ARMC6: variants seen among roughly 807,000 people sequenced by gnomAD.
The protein encoded by ARMC6 is armadillo repeat containing 6.
ARMC6 carries 43 observed loss-of-function variants against 49.2 expected under a neutral mutation model. The observed-to-expected ratio is 0.87, with a 90% CI of 0.69 to 1.13. The LOEUF is 1.13. Among genes scored for constraint, ARMC6 ranks in the 50% most tolerant of loss-of-function variants. The probability of loss-of-function intolerance (pLI) is 0.00; values close to 1 mark genes in which losing one functional copy is unlikely to be tolerated. For synonymous variants in ARMC6, 262 were observed against 289.6 expected (o/e 0.90, Z 0.97); for missense variants, 627 against 682.0 (o/e 0.92, Z 0.90).
rs574427800 is a variant in ARMC6, at chr19:19,051,201, G to A, written c.280-421G>A. Among the ~76,000 whole-genome samples, 9 of 152,286 alleles carry A rather than the reference G, an allele frequency of 5.9e-5. No individual in the cohort carries two copies. The Middle Eastern group carries it at 0.017, about 288-fold the overall frequency. On this transcript the variant is annotated intron_variant, in intron 4 of 8. Transcript: ENST00000535612. The stretch of plus-strand genomic sequence containing the variant: ...GTGTGACAAACAACCCAAACAACAG[G>A]CATCTTATTGTTTCTTGTGATTCTG...
rs769059471 is a variant in ARMC6, at chr19:19,051,734, C to A, written c.392C>A (p.Ala131Glu). 3 of 1,614,016 alleles carry A rather than the reference C, an allele frequency of 1.9e-6. No individual in the cohort carries two copies. The highest frequency in any genetic ancestry group is 1.7e-5 in the Admixed American group (1 of 60,030). The stretch of plus-strand genomic sequence containing the variant: ...CAGGACAAGGCCTGCCGCTTCCTCG[C>A]GGCCCAGAAGGGGGCCTACCCCATC... ...CKQDKACRFLAAQKGAYPIIF... is the reference protein window; with the variant it reads ...CKQDKACRFLEAQKGAYPIIF... The change falls in exon 5 of 9, where the codon GCG becomes GAG. Residue 131 changes from alanine (A) to glutamate (E), a missense_variant. By Grantham distance (107) the Ala-to-Glu change is moderately radical (BLOSUM62 -1). Coordinates refer to ENST00000535612, the MANE Select transcript of ARMC6 (RefSeq NM_001199196.2).
chr19:19,035,360 A>G (rs1394090358), intron 2 of ARMC6, among the ~76,000 whole-genome samples: 1 of 152,218 alleles, frequency 6.6e-6, no homozygotes, highest in Non-Finnish European at 1.5e-5. Flanking sequence ...ACTGGCTGCC[A>G]GTTAGGGGCC....
At chr19:19,045,628 C>T (rs957775052) in intron 4 of ARMC6, among the ~76,000 whole-genome samples, 15 of 150,228 alleles carry the variant, frequency 1.0e-4, no homozygotes, top group Non-Finnish European at 1.5e-5. Flanking sequence ...GCTGGGATTA[C>T]AGGTGCACAC....
In ARMC6 at chr19:19,042,725, T is replaced by A; in HGVS notation, c.44T>A (p.Ile15Asn). 1 of 1,613,298 alleles carries A rather than the reference T, an allele frequency of 6.2e-7. No homozygotes were observed. The highest frequency in any genetic ancestry group is 8.5e-7 in the Non-Finnish European group (1 of 1,180,016). ...CCSRYSSGAS[I>N]GCTPTSTQAK... ...TAACCTCTCAGCTCAGGAGCATCTATCGGCTGCACGCCAACATCAACACAG... is the reference window on the plus strand; with the variant it reads ...TAACCTCTCAGCTCAGGAGCATCTAACGGCTGCACGCCAACATCAACACAG... The change falls in exon 3 of 9, where the codon ATC (isoleucine) becomes AAC (asparagine). Residue 15 changes from isoleucine to asparagine, a missense_variant. Transcript: ENST00000535612.
In ARMC6 at chr19:19,033,662, G is replaced by A. The variant is rs1441979856; in HGVS notation, c.-348G>A. 2 of 730,392 alleles carry A rather than the reference G, an allele frequency of 2.7e-6. No individual in the cohort carries two copies. The highest frequency in any genetic ancestry group is 1.9e-5 in the African/African-American group (1 of 53,540). The allele number at this position is 730,392 out of a possible 1,614,324, so 45.2% of individuals were successfully genotyped here. A position where few individuals can be genotyped will look rare whatever the true frequency, so the allele number is the denominator to read the frequency against. On this transcript the variant is annotated 5_prime_UTR_variant, in exon 1 of 9. Coordinates refer to ENST00000535612, the MANE Select transcript of ARMC6 (RefSeq NM_001199196.2). ...CTTCTTCTGGGCGGACGCTCTGGAG[G>A]CAAAACATTTCCCTGCTGGGGGCGG... is the stretch of plus-strand genomic sequence containing the variant.
In ARMC6 at chr19:19,054,167, C is replaced by G. The variant is rs1450399692; in HGVS notation, c.869C>G (p.Pro290Arg). ...CTCCCTGCAGCGTTCCTGGATAACC[C>G]TGGCATCCTGAGCGAGCTCTGTGGA... is the stretch of plus-strand genomic sequence containing the variant. ...IEATKAFLDNPGILSELCGTL... is the reference protein window; with the variant it reads ...IEATKAFLDNRGILSELCGTL... Residue 290 changes from proline to arginine, a missense_variant, in exon 6 of 9, where the codon CCT becomes CGT. Physicochemically the swap from Pro to Arg is moderately radical, Grantham distance 103. Coordinates refer to ENST00000535612, the MANE Select transcript of ARMC6 (RefSeq NM_001199196.2). The G allele has an allele frequency of 1.3e-6, 2 of 1,591,738 alleles. No individual in the cohort carries two copies. The highest frequency in any genetic ancestry group is 2.3e-5 in the East Asian group (1 of 43,408).
chr19:19,052,444 G>T (rs2059507020), intron 5 of ARMC6, among the ~76,000 whole-genome samples: 1 of 152,210 alleles, frequency 6.6e-6, no homozygotes, highest in African/African-American at 2.4e-5. Flanking sequence ...GGAGCTGTCT[G>T]GGGAAGGGGC....
intron 3 of ARMC6, among the ~76,000 whole-genome samples, chr19:19,043,229 C>T (rs1249963632): frequency 6.6e-6 from 1 of 152,238 alleles, no homozygotes; most frequent in Non-Finnish European, 1.5e-5. Flanking sequence ...CCTGTGGAAA[C>T]AGGTGGCATG....
Position 19,055,691 on chromosome 19 carries a change from G to T in ARMC6, c.1156-100G>T. ...CAGGAGTTGCCAGAGACCCACGGAG[G>T]GGAGGCCGCAGGGTGTTCACCAGGG... On this transcript the variant is annotated intron_variant, in intron 7 of 8. Transcript: ENST00000535612. The surrounding 1 kb of genome is among the most constrained non-coding windows in gnomAD (Gnocchi z 5.7). 6.8e-7 allele frequency: 1 copy of T among 1,467,398 alleles called. No homozygotes were observed. The highest frequency in any genetic ancestry group is 1.3e-5 in the South Asian group (1 of 74,178). 90.9% of individuals were successfully genotyped at this position (1,467,398 alleles called of 1,614,324 possible).
chr19:19,055,084 G>A lies in ARMC6; in HGVS notation c.1024-181G>A, dbSNP rs943999354. Among the ~76,000 whole-genome samples the A allele has an allele frequency of 6.6e-6, 1 of 152,176 alleles. No homozygotes were observed. The highest frequency in any genetic ancestry group is 1.5e-5 in the Non-Finnish European group (1 of 68,032). On this transcript the variant is annotated intron_variant, in intron 6 of 8. Transcript: ENST00000535612. This position sits in a 1 kb window ranked among gnomAD's most constrained non-coding sequence, Gnocchi z 5.7. The stretch of plus-strand genomic sequence containing the variant: ...GGGTAGGGGATCAAGTCACCTGGAT[G>A]GTACCGTTTGGACACAGGCAGCCTG...
At chr19:19,042,951 G>T in intron 3 of ARMC6, 74 bp downstream of exon 3, 1 of 1,557,916 alleles carries the variant, frequency 6.4e-7, no homozygotes. Context: ...CTGCTGCCCC[G>T]CCCCACTGGG....
intron 4 of ARMC6, among the ~76,000 whole-genome samples, chr19:19,051,373 CTCTGTGTGTG>C (rs1275764843): frequency 1.1e-3 from 131 of 115,162 alleles, no homozygotes; most frequent in Middle Eastern, 4.3e-3. Flanking sequence ...CTCTCTCTCT[CTCTGTGTGTG>C]TGTGTGTGTG....
In ARMC6 at chr19:19,057,706, TC is replaced by T. The variant is rs761316511; in HGVS notation, c.*83del. The T allele has an allele frequency of 2.1e-6, 3 of 1,406,088 alleles. No homozygotes were observed. The highest frequency in any genetic ancestry group is 3.0e-6 in the Non-Finnish European group (3 of 1,005,508). 87.1% of individuals were successfully genotyped at this position (1,406,088 alleles called of 1,614,324 possible). On this transcript the variant is annotated 3_prime_UTR_variant, in exon 9 of 9. Transcript: ENST00000535612. Reference sequence around the variant, plus strand: ...GGGGGTAGATCCATGTCCTCCACTGTCCCCCATTAGTTCTGTCCCCTTCACA... The same window carrying T: ...GGGGGTAGATCCATGTCCTCCACTGTCCCCATTAGTTCTGTCCCCTTCACA...
rs928436757 is a variant in ARMC6, at chr19:19,058,006, G to C, written c.*378G>C. 3 of 345,062 alleles carry C rather than the reference G, an allele frequency of 8.7e-6. No homozygotes were observed. Among genetic ancestry groups the C allele is most frequent in the Non-Finnish European group, 1.7e-5 (3 of 179,028 alleles). 21.4% of individuals were successfully genotyped at this position (345,062 alleles called of 1,614,324 possible). A position where few individuals can be genotyped will look rare whatever the true frequency, so the allele number is the denominator to read the frequency against. ...GGGCAGGCGATTCCAGTGGGGTTGGGCCCCCTGGCGCCTGCTGCTTACTGC... is the reference window on the plus strand; with the variant it reads ...GGGCAGGCGATTCCAGTGGGGTTGGCCCCCCTGGCGCCTGCTGCTTACTGC... On this transcript the variant is annotated 3_prime_UTR_variant, in exon 9 of 9. Coordinates refer to ENST00000535612, the MANE Select transcript of ARMC6 (RefSeq NM_001199196.2).
At chr19:19,040,314 T>A (rs1022953394) in intron 2 of ARMC6, among the ~76,000 whole-genome samples, 2 of 152,206 alleles carry the variant, frequency 1.3e-5, no homozygotes, top group African/African-American at 4.8e-5. Flanking sequence ...GGGATCATTA[T>A]CTGTTTCTCT....
chr19:19,035,023 G>C (rs1241762818), intron 2 of ARMC6, among the ~76,000 whole-genome samples: 2 of 152,080 alleles, frequency 1.3e-5, no homozygotes, highest in African/African-American at 4.8e-5. Context: ...CACCACGCCC[G>C]GCTAGTTTTT....
At chr19:19,036,928 G>A (rs1389699084) in intron 2 of ARMC6, among the ~76,000 whole-genome samples, 1 of 152,224 alleles carries the variant, frequency 6.6e-6, no homozygotes, top group East Asian at 1.9e-4. Flanking sequence ...GCTCATGCCT[G>A]TAATCCCAGC....
chr19:19,044,992 G>A (rs1482332755), intron 4 of ARMC6, among the ~76,000 whole-genome samples: 1 of 152,082 alleles, frequency 6.6e-6, no homozygotes, highest in Admixed American at 6.5e-5. Flanking sequence ...TAATAAGGAT[G>A]AATTTATTTT....
chr19:19,052,025 C>G lies in ARMC6; in HGVS notation c.683C>G (p.Ala228Gly). 6.2e-7 allele frequency: 1 copy of G among 1,614,030 alleles called. No homozygotes were observed. Residue 228 changes from alanine (A) to glycine (G), a missense_variant, in exon 5 of 9, where the codon GCC (alanine) becomes GGC (glycine). By Grantham distance (60) the Ala-to-Gly change is moderately conservative (BLOSUM62 0). Coordinates refer to ENST00000535612, the MANE Select transcript of ARMC6 (RefSeq NM_001199196.2). ...GGCGTGCTGCCTCTGCTGACTGGTG[C>G]CATCACCCATCATGGCCACCACACT... ...KAGVLPLLTG[A>G]ITHHGHHTDV...
Sources: gnomAD v4.1 joint callset for allele counts (sites outside exome capture counted in the v4.1 genomes callset) on GRCh38, gnomAD v4.1.1 for gene constraint, Gnocchi (gnomAD v3.1) non-coding constraint, MANE v1.5 for transcripts, NCBI Gene and HGNC (gene_info 2026-07-23, HGNC 2026-07-21) for gene names.